The following CSMD1 variants were observed in gnomAD, a reference collection of about 807,000 sequenced individuals.
The protein encoded by CSMD1 is CUB and Sushi multiple domains 1, also known as CUB and sushi domain-containing protein 1.
Under a neutral mutation model 417.5 loss-of-function variants are expected in CSMD1, and 213 were observed. That is an observed-to-expected ratio of 0.51 (90% confidence interval 0.46 to 0.57). The LOEUF is 0.57. Among genes scored for constraint, CSMD1 ranks in the 20% least tolerant of loss-of-function variants. CSMD1 has a pLI of 0.00. For missense variants in CSMD1, 6,923 were observed against 4,529.7 expected (o/e 1.53, Z -15.17); for synonymous variants, 2,862 against 1,736.8 (o/e 1.65, Z -16.11).
intron 1 of CSMD1, among the ~76,000 whole-genome samples, chr8:4,753,657 G>C (rs1205996639): frequency 6.6e-6 from 1 of 152,108 alleles, no homozygotes; most frequent in Non-Finnish European, 1.5e-5. Flanking sequence ...TTTTGATGCT[G>C]CCTTCTTCTC....
chr8:4,664,189 G>A (rs997246133), intron 1 of CSMD1, among the ~76,000 whole-genome samples: 3 of 152,132 alleles, frequency 2.0e-5, no homozygotes, highest in African/African-American at 4.8e-5. Context: ...AGTAGCCCAG[G>A]GAGTAGTTTT....
At chr8:4,291,020 T>G (rs1400692268) in intron 3 of CSMD1, among the ~76,000 whole-genome samples, 1 of 152,142 alleles carries the variant, frequency 6.6e-6, no homozygotes, top group Non-Finnish European at 1.5e-5. Context: ...GATGTCAAAA[T>G]AAGATCTTCT....
intron 1 of CSMD1, among the ~76,000 whole-genome samples, chr8:4,872,885 G>C (rs958412008): frequency 6.6e-6 from 1 of 151,984 alleles, no homozygotes; most frequent in Non-Finnish European, 1.5e-5. Flanking sequence ...TAGTACTGGC[G>C]AATACTTTGT....
chr8:3,860,989 C>G (rs1804662806), intron 5 of CSMD1, among the ~76,000 whole-genome samples: 1 of 152,162 alleles, frequency 6.6e-6, no homozygotes, highest in Non-Finnish European at 1.5e-5. Flanking sequence ...AAAGACAAAG[C>G]ATGGAAAGTA....
At chr8:4,255,851 C>T (rs574571298) in intron 3 of CSMD1, among the ~76,000 whole-genome samples, 128 of 152,344 alleles carry the variant, frequency 8.4e-4, no homozygotes, top group African/African-American at 2.6e-3. Context: ...TTTAAGTTTA[C>T]TTCACAGACT....
chr8:3,555,835 A>G (rs1308102561), intron 10 of CSMD1, among the ~76,000 whole-genome samples: 2 of 152,140 alleles, frequency 1.3e-5, no homozygotes, highest in African/African-American at 4.8e-5. Context: ...CGGTGCCAAA[A>G]GTTTTTCTAT....
chr8:4,204,607 G>C (rs573626201), intron 3 of CSMD1, among the ~76,000 whole-genome samples: 2 of 152,132 alleles, frequency 1.3e-5, no homozygotes, highest in Admixed American at 6.5e-5. Flanking sequence ...TTGCATAAAA[G>C]TGTGTAAGGA....
intron 1 of CSMD1, among the ~76,000 whole-genome samples, chr8:4,846,891 A>C (rs963766609): frequency 6.6e-6 from 1 of 152,204 alleles, no homozygotes; most frequent in African/African-American, 2.4e-5. Context: ...ATAATAGTGA[A>C]ACTTACTGGA....
chr8:4,253,458 T>A (rs550037159), intron 3 of CSMD1, among the ~76,000 whole-genome samples: 1 of 152,312 alleles, frequency 6.6e-6, no homozygotes, highest in South Asian at 2.1e-4. Flanking sequence ...CAGGACCTAA[T>A]AAACATTTGT....
At chr8:3,445,714 G>A (rs952131648) in intron 12 of CSMD1, among the ~76,000 whole-genome samples, 1 of 152,118 alleles carries the variant, frequency 6.6e-6, no homozygotes. Context: ...AGCAAATGAG[G>A]AGTTCTGATT....
chr8:4,135,486 C>G (rs1803374736), intron 3 of CSMD1, among the ~76,000 whole-genome samples: 1 of 151,770 alleles, frequency 6.6e-6, no homozygotes, highest in Non-Finnish European at 1.5e-5. Flanking sequence ...CACTAAATAT[C>G]CCCACATATA....
At chr8:3,927,041 G>C (rs1037203913) in intron 5 of CSMD1, among the ~76,000 whole-genome samples, 2 of 151,614 alleles carry the variant, frequency 1.3e-5, no homozygotes, top group African/African-American at 4.8e-5. Context: ...AGTACTTTTT[G>C]TGCTTTATGT....
At chr8:3,099,627 C>T (rs117233398) in intron 46 of CSMD1, among the ~76,000 whole-genome samples, 1 of 152,268 alleles carries the variant, frequency 6.6e-6, no homozygotes, top group Non-Finnish European at 1.5e-5. Context: ...GAACTTCAGG[C>T]CATCTGGAAG....
intron 4 of CSMD1, among the ~76,000 whole-genome samples, chr8:4,028,616 G>A (rs534757962): frequency 3.9e-5 from 6 of 152,288 alleles, no homozygotes; most frequent in African/African-American, 1.4e-4. Context: ...CTGTAAATTG[G>A]CATGCTTACA....
In CSMD1 at chr8:4,003,510, G is replaced by A. The variant is rs549371445; in HGVS notation, c.611-5400C>T. Among the ~76,000 whole-genome samples, 90 of 152,208 alleles carry A rather than the reference G, an allele frequency of 5.9e-4. 1 individual carries two copies. The highest frequency in any genetic ancestry group is 1.9e-3 in the African/African-American group (79 of 41,530). On this transcript the variant is annotated intron_variant, in intron 4 of 69. Transcript: ENST00000635120. Reference sequence around the variant, plus strand: ...ATTTTAAATGGCAATTTAAATAAGAGTGAATTCTAGAACAAACCAAAATTA... The same window carrying A: ...ATTTTAAATGGCAATTTAAATAAGAATGAATTCTAGAACAAACCAAAATTA...
intron 10 of CSMD1, among the ~76,000 whole-genome samples, chr8:3,550,729 T>A (rs1798873905): frequency 1.3e-5 from 2 of 152,190 alleles, no homozygotes; most frequent in African/African-American, 4.8e-5. Flanking sequence ...TTGCACCTCC[T>A]TGAAAAGAAG....
At chr8:3,243,185 T>G in intron 26 of CSMD1, among the ~76,000 whole-genome samples, 1 of 152,036 alleles carries the variant, frequency 6.6e-6, no homozygotes, top group East Asian at 1.9e-4. Flanking sequence ...GATTTAAAAT[T>G]GGTGAGATGT....
chr8:4,032,717 C>G (rs74746887), intron 3 of CSMD1, among the ~76,000 whole-genome samples: 1 of 152,168 alleles, frequency 6.6e-6, no homozygotes, highest in African/African-American at 2.4e-5. Flanking sequence ...TTTATAGTGT[C>G]TGATTCAAAA....
chr8:3,743,388 T>C (rs1796911913), intron 6 of CSMD1, among the ~76,000 whole-genome samples: 1 of 152,220 alleles, frequency 6.6e-6, no homozygotes, highest in African/African-American at 2.4e-5. Flanking sequence ...CACATAAAAC[T>C]GCATTGCGTG....
Sources: allele counts gnomAD v4.1 joint callset (sites outside exome capture counted in the v4.1 genomes callset), GRCh38; gene constraint gnomAD v4.1.1; transcripts MANE v1.5; gene names NCBI Gene and HGNC (gene_info 2026-07-23, HGNC 2026-07-21).